The following FMN1 variants were observed in gnomAD, a reference collection of about 807,000 sequenced individuals.
The protein encoded by FMN1 is formin 1.
FMN1 carries 110 observed loss-of-function variants against 132.4 expected under a neutral mutation model. That is an observed-to-expected ratio of 0.83 (90% CI 0.71 to 0.97). The LOEUF (loss-of-function observed/expected upper bound fraction) is 0.97, where lower values mean the gene tolerates loss of function less well. FMN1 is among the 50% of genes least tolerant of loss of function. The pLI, the probability that FMN1 is intolerant of heterozygous loss-of-function variation, is 0.00. For synonymous variants in FMN1, 722 were observed against 651.7 expected, an observed-to-expected ratio of 1.11 and a Z score of -1.64; for missense variants, 1,792 against 1,705.3, an observed-to-expected ratio of 1.05 and a Z score of -0.90.
chr15:33,128,919 T>TGA lies in FMN1; in HGVS notation c.1867+24128_1867+24129insTC, dbSNP rs1372723908. Among the ~76,000 whole-genome samples, 540 of 152,316 alleles carry TGA rather than the reference T, an allele frequency of 3.5e-3. 8 individuals are homozygous for TGA. Among genetic ancestry groups the TGA allele is most frequent in the African/African-American group, 0.012 (518 of 41,548 alleles). On this transcript the variant is annotated intron_variant, in intron 4 of 20. Transcript: ENST00000616417. Reference sequence around the variant, plus strand: ...TTATTTGGCCCCACCCATGCCCTGCTTATTGGTCCATTTTACAGAGTGCTG... The same window carrying TGA: ...TTATTTGGCCCCACCCATGCCCTGCTGATATTGGTCCATTTTACAGAGTGCTG...
intron 11 of FMN1, among the ~76,000 whole-genome samples, chr15:32,908,950 G>A (rs1185401120): frequency 6.6e-6 from 1 of 152,148 alleles, no homozygotes; most frequent in East Asian, 1.9e-4. Context: ...CTTAGAATTT[G>A]TTTCCTTACT....
At chr15:33,108,809 C>CT (rs2039585991) in intron 4 of FMN1, among the ~76,000 whole-genome samples, 1 of 152,106 alleles carries the variant, frequency 6.6e-6, no homozygotes, top group South Asian at 2.1e-4. Flanking sequence ...AACAACTCCC[C>CT]TGTCTTAGTA....
chr15:33,073,383 G>A (rs1408181221), intron 5 of FMN1, among the ~76,000 whole-genome samples: 1 of 152,184 alleles, frequency 6.6e-6, no homozygotes, highest in Non-Finnish European at 1.5e-5. Flanking sequence ...AGTAGAAAGT[G>A]TAGTTAAACT....
intron 8 of FMN1, among the ~76,000 whole-genome samples, chr15:32,965,373 C>G (rs1287041389): frequency 6.6e-6 from 1 of 152,100 alleles, no homozygotes; most frequent in Non-Finnish European, 1.5e-5. Context: ...GCACTCCAGC[C>G]TGGGTAACAG....
At chr15:33,065,896 A>C (rs536976732) in intron 5 of FMN1, among the ~76,000 whole-genome samples, 8 of 152,134 alleles carry the variant, frequency 5.3e-5, no homozygotes, top group Non-Finnish European at 1.0e-4. Context: ...CCTTTGTTTA[A>C]TTCTCATAAC....
chr15:32,905,046 A>G (rs2060388617), intron 12 of FMN1, among the ~76,000 whole-genome samples: 1 of 152,230 alleles, frequency 6.6e-6, no homozygotes, highest in Non-Finnish European at 1.5e-5. Flanking sequence ...AAAGAAGACT[A>G]AATATTCCCA....
chr15:32,818,855 GA>G (rs554105432), intron 17 of FMN1, among the ~76,000 whole-genome samples: 261 of 151,308 alleles, frequency 1.7e-3, no homozygotes, highest in African/African-American at 6.2e-3. Flanking sequence ...GCAAACTGGA[GA>G]AGTGCCACCA....
At chr15:33,180,835 C>A (rs1237658593) in intron 2 of FMN1, among the ~76,000 whole-genome samples, 1 of 150,948 alleles carries the variant, frequency 6.6e-6, no homozygotes, top group East Asian at 2.0e-4. Flanking sequence ...CTGCAACCTC[C>A]CCCTCCAGGG....
chr15:32,993,657 C>T (rs1385951604), intron 7 of FMN1, among the ~76,000 whole-genome samples: 3 of 152,094 alleles, frequency 2.0e-5, no homozygotes, highest in African/African-American at 7.2e-5. Flanking sequence ...TACCATGTTC[C>T]AGAGGGAGAA....
intron 4 of FMN1, chr15:33,106,175 G>A (rs1232554186): frequency 6.6e-6 from 1 of 151,940 alleles, no homozygotes; most frequent in African/African-American, 2.4e-5. Context: ...CTTCCTGGTT[G>A]CCACCTGGCC....
chr15:32,820,516 C>T (rs61355906), intron 17 of FMN1, among the ~76,000 whole-genome samples: 2 of 150,764 alleles, frequency 1.3e-5, no homozygotes, highest in East Asian at 3.9e-4. Context: ...TCTCCCCCAA[C>T]ACATATATAT....
chr15:33,149,822 T>C, intron 4 of FMN1: 2 of 984,562 alleles, frequency 2.0e-6, no homozygotes, highest in Non-Finnish European at 2.4e-6. Flanking sequence ...CAAACCTTAA[T>C]ATTAATATGG....
intron 5 of FMN1, among the ~76,000 whole-genome samples, chr15:33,083,885 C>A (rs1483772224): frequency 6.6e-6 from 1 of 152,126 alleles, no homozygotes; most frequent in African/African-American, 2.4e-5. Flanking sequence ...ACAAAAGTGA[C>A]CTCTGGTCAT....
In FMN1 at chr15:33,151,192, G is replaced by C; in HGVS notation, c.1867+1856C>G. 3.3e-6 allele frequency: 5 copies of C among 1,518,740 alleles called. No individual in the cohort carries two copies. The South Asian group carries it at 6.1e-5, about 19-fold the overall frequency. 94.1% of individuals were successfully genotyped at this position (1,518,740 alleles called of 1,614,324 possible). A position where few individuals can be genotyped will look rare whatever the true frequency, so the allele number is the denominator to read the frequency against. ...GCCTTTCAAAGTAGGGCCAATAGGA[G>C]GTAATGGCTGGAGGCCCTATAGGAA... On this transcript the variant is annotated intron_variant, in intron 4 of 20. Coordinates refer to ENST00000616417, the MANE Select transcript of FMN1 (RefSeq NM_001277313.2).
chr15:32,865,561 G>A (rs184284174), intron 16 of FMN1, among the ~76,000 whole-genome samples: 18 of 152,288 alleles, frequency 1.2e-4, no homozygotes, highest in Middle Eastern at 3.4e-3. Context: ...ACCTGGCCGG[G>A]CAAGGTGGCT....
At chr15:33,014,982 C>A (rs2034954187) in intron 6 of FMN1, among the ~76,000 whole-genome samples, 1 of 152,196 alleles carries the variant, frequency 6.6e-6, no homozygotes, top group South Asian at 2.1e-4. Flanking sequence ...TTAACTCCTG[C>A]CATCCTCACA....
chr15:33,084,088 T>G (rs556040176), intron 5 of FMN1, among the ~76,000 whole-genome samples: 40 of 152,316 alleles, frequency 2.6e-4, no homozygotes, highest in African/African-American at 8.9e-4. Context: ...TCACCCCTTA[T>G]TTAGCATACA....
chr15:32,888,236 C>A lies in FMN1; in HGVS notation c.3771G>T (p.Leu1257=). 1 of 1,612,928 alleles carries A rather than the reference C, an allele frequency of 6.2e-7. No homozygotes were observed. Residue 1257 remains leucine, a synonymous_variant, in exon 16 of 21, where the codon CTG becomes CTT. Coordinates refer to ENST00000616417, the MANE Select transcript of FMN1 (RefSeq NM_001277313.2). ...FPLPEPQDFF[L]ASQVKFEDLI... ...GGTCTTCAAACTTGACTTGGGAGGCCAGAAAGAAATCCTGTGGTTCCGGCA... is the reference window on the plus strand; with the variant it reads ...GGTCTTCAAACTTGACTTGGGAGGCAAGAAAGAAATCCTGTGGTTCCGGCA...
At chr15:32,782,090 T>G (rs2056683466) in intron 19 of FMN1, among the ~76,000 whole-genome samples, 1 of 152,238 alleles carries the variant, frequency 6.6e-6, no homozygotes, top group Admixed American at 6.5e-5. Flanking sequence ...TGCTCTTTTC[T>G]TAAATGACAA....
Sources: gnomAD v4.1 joint callset for allele counts (sites outside exome capture counted in the v4.1 genomes callset) on GRCh38, gnomAD v4.1.1 for gene constraint, MANE v1.5 for transcripts, NCBI Gene and HGNC (gene_info 2026-07-23, HGNC 2026-07-21) for gene names.